Variants in KLF12 observed in about 807,000 individuals in gnomAD.
KLF12 encodes Krueppel-like factor 12.
KLF12 carries 9 observed loss-of-function variants against 37.8 expected under a neutral mutation model. The ratio of observed to expected loss-of-function variants is 0.24; its 90% CI spans 0.14 to 0.42. The LOEUF is 0.42. Among genes scored for constraint, KLF12 ranks in the 10% least tolerant of loss-of-function variants. The pLI is 1.00. For synonymous variants in KLF12, 208 were observed against 202.1 expected, an observed-to-expected ratio of 1.03 and a Z score of -0.25; for missense variants, 411 against 516.0, an observed-to-expected ratio of 0.80 and a Z score of 1.97.
At chr13:73,900,540 A>G (rs1887991532) in intron 3 of KLF12, among the ~76,000 whole-genome samples, 1 of 152,146 alleles carries the variant, frequency 6.6e-6, no homozygotes, top group Non-Finnish European at 1.5e-5. Flanking sequence ...TGGAATGATT[A>G]CATGGTTTCC....
the KLF12 span, among the ~76,000 whole-genome samples, chr13:74,281,925 G>A: frequency 1.5e-3 from 230 of 152,208 alleles, 12 homozygotes; most frequent in East Asian, 0.042. Context: ...AATTCTTATC[G>A]GAGAGGGCTC....
At chr13:73,963,284 T>TACACAC (rs10543490) in intron 2 of KLF12, among the ~76,000 whole-genome samples, 193 of 145,266 alleles carry the variant, frequency 1.3e-3, no homozygotes, top group African/African-American at 4.4e-3. Context: ...GAGTCATTTA[T>TACACAC]ACACACACAC....
At chr13:74,233,444 T>A in the KLF12 span, among the ~76,000 whole-genome samples, 1 of 152,136 alleles carries the variant, frequency 6.6e-6, no homozygotes, top group Admixed American at 6.6e-5. Context: ...GGACAAGTAT[T>A]TCACGAGCAA....
intron 2 of KLF12, among the ~76,000 whole-genome samples, chr13:73,944,927 G>A (rs1234631033): frequency 6.6e-6 from 1 of 152,130 alleles, no homozygotes; most frequent in East Asian, 1.9e-4. Flanking sequence ...TGTTTAGAAT[G>A]CTAATTTCTC....
intron 4 of KLF12, among the ~76,000 whole-genome samples, chr13:73,845,551 T>C (rs2138683340): frequency 6.6e-6 from 1 of 152,324 alleles, no homozygotes; most frequent in Non-Finnish European, 1.5e-5. Context: ...TCAAAGCAAG[T>C]ATTATTTTGC....
chr13:73,839,892 A>C (rs879806620), intron 4 of KLF12, among the ~76,000 whole-genome samples: 4 of 152,150 alleles, frequency 2.6e-5, no homozygotes, highest in Non-Finnish European at 4.4e-5. Flanking sequence ...AACTTGCTAT[A>C]CTATCTCCTT....
the KLF12 span, among the ~76,000 whole-genome samples, chr13:74,256,688 TTGTGTGTGTG>T: frequency 0.051 from 7,500 of 148,002 alleles, 571 homozygotes; most frequent in African/African-American, 0.17. Context: ...TGAGTAGAGC[TTGTGTGTGTG>T]TGTGTGTGTG....
At chr13:74,144,593 G>A in the KLF12 span, among the ~76,000 whole-genome samples, 2 of 152,112 alleles carry the variant, frequency 1.3e-5, no homozygotes, top group East Asian at 1.9e-4. Context: ...GAAAATATAT[G>A]TATGGCTGAA....
intron 3 of KLF12, among the ~76,000 whole-genome samples, chr13:73,852,505 G>A (rs961262807): frequency 1.3e-5 from 2 of 152,110 alleles, no homozygotes; most frequent in Non-Finnish European, 2.9e-5. Context: ...ATTCCGGCCA[G>A]GCACGGTGAC....
chr13:73,881,982 G>T (rs1887004042), intron 3 of KLF12, among the ~76,000 whole-genome samples: 1 of 152,172 alleles, frequency 6.6e-6, no homozygotes, highest in Admixed American at 6.5e-5. Context: ...TAAACAGCCT[G>T]ATTTGTGGCT....
At chr13:73,958,400 G>T (rs952815725) in intron 2 of KLF12, among the ~76,000 whole-genome samples, 10 of 151,816 alleles carry the variant, frequency 6.6e-5, no homozygotes, top group African/African-American at 2.4e-4. Flanking sequence ...ACACCACCAT[G>T]CCTGGCTAAT....
At chr13:73,865,811 A>G (rs1886147607) in intron 3 of KLF12, among the ~76,000 whole-genome samples, 1 of 152,232 alleles carries the variant, frequency 6.6e-6, no homozygotes, top group Admixed American at 6.5e-5. Context: ...CTAGTCAAAT[A>G]TAGATTCCAA....
At chr13:73,942,617 G>T (rs1890238051) in intron 3 of KLF12, among the ~76,000 whole-genome samples, 1 of 152,132 alleles carries the variant, frequency 6.6e-6, no homozygotes, top group African/African-American at 2.4e-5. Context: ...TTTCTGAAAG[G>T]TTTTCTATAC....
chr13:73,713,061 A>T (rs1875526534), intron 7 of KLF12, among the ~76,000 whole-genome samples: 1 of 152,200 alleles, frequency 6.6e-6, no homozygotes, highest in African/African-American at 2.4e-5. Context: ...TGTGGTATGA[A>T]AACTTAAAAA....
At chr13:74,066,442 G>A (rs529428429) in intron 1 of KLF12, among the ~76,000 whole-genome samples, 7 of 152,172 alleles carry the variant, frequency 4.6e-5, no homozygotes, top group East Asian at 1.9e-4. Flanking sequence ...TGGGAGGATC[G>A]CTTGAGCTCA....
At chr13:74,144,802 C>G in the KLF12 span, among the ~76,000 whole-genome samples, 37,921 of 151,934 alleles carry the variant, frequency 0.25, 6,348 homozygotes, top group African/African-American at 0.48. Context: ...CAATTTTCAA[C>G]TCAACAAATC....
At chr13:74,065,119 A>C (rs1873828921) in intron 1 of KLF12, among the ~76,000 whole-genome samples, 1 of 151,928 alleles carries the variant, frequency 6.6e-6, no homozygotes, top group Non-Finnish European at 1.5e-5. Context: ...ACATTCCACT[A>C]TCCTCCATCT....
At chr13:74,249,336 TCACACACACACA>T in the KLF12 span, among the ~76,000 whole-genome samples, 16 of 74,084 alleles carry the variant, frequency 2.2e-4, no homozygotes, top group Admixed American at 8.8e-4. Context: ...AGCAGGAGCA[TCACACACACACA>T]CACACACACA....
At chr13:74,188,760 C>T in the KLF12 span, among the ~76,000 whole-genome samples, 7,456 of 152,194 alleles carry the variant, frequency 0.049, 571 homozygotes, top group African/African-American at 0.17. Flanking sequence ...CTTTGGAAGG[C>T]CGAGGCAGGT....
Sources: gnomAD v4.1 joint callset for allele counts (sites outside exome capture counted in the v4.1 genomes callset) on GRCh38, gnomAD v4.1.1 for gene constraint, MANE v1.5 for transcripts, NCBI Gene and HGNC (gene_info 2026-07-23, HGNC 2026-07-21) for gene names.